XPNPEP1: variants seen among roughly 807,000 people sequenced by gnomAD.
XPNPEP1 encodes xaa-Pro aminopeptidase 1.
Under a neutral mutation model 92.4 loss-of-function variants are expected in XPNPEP1, and 39 were observed. The observed-to-expected ratio is 0.42, with a 90% CI of 0.33 to 0.55. XPNPEP1 has a LOEUF of 0.55. Among genes scored for constraint, XPNPEP1 ranks in the 20% least tolerant of loss-of-function variants. The probability of loss-of-function intolerance (pLI) is 0.08; values close to 1 mark genes in which losing one functional copy is unlikely to be tolerated. For synonymous variants in XPNPEP1, 307 were observed against 299.4 expected, an observed-to-expected ratio of 1.03 and a Z score of -0.26; for missense variants, 654 against 856.1, an observed-to-expected ratio of 0.76 and a Z score of 2.95.
intron 5 of XPNPEP1, 169 bp downstream of exon 5, chr10:109,891,553 A>C: frequency 2.1e-6 from 1 of 483,638 alleles, no homozygotes; most frequent in Non-Finnish European, 3.6e-6. Flanking sequence ...TTGAATGCAC[A>C]TTGGTACGTA....
At chr10:109,865,977 TG>T (rs1214921513) in intron 20 of XPNPEP1, among the ~76,000 whole-genome samples, 2 of 152,120 alleles carry the variant, frequency 1.3e-5, no homozygotes, top group Non-Finnish European at 2.9e-5. Flanking sequence ...CTAGACATGA[TG>T]GCAAAAGCTC....
chr10:109,865,436 C>T, intron 20 of XPNPEP1, 124 bp from the exon 21 acceptor site: 1 of 1,258,342 alleles, frequency 7.9e-7, no homozygotes, highest in Non-Finnish European at 1.1e-6. Context: ...TGTGCAACAC[C>T]CTTTCTCCTT....
At chr10:109,894,348 T>C (rs1179808207) in intron 3 of XPNPEP1, among the ~76,000 whole-genome samples, 4 of 151,752 alleles carry the variant, frequency 2.6e-5, no homozygotes, top group East Asian at 3.9e-4. Context: ...CCTGGGAGCA[T>C]GGTGAAACCT....
Position 109,893,016 on chromosome 10 carries a change from A to G in XPNPEP1, c.306T>C (p.Ser102=). 6.2e-7 allele frequency: 1 copy of G among 1,613,696 alleles called. No individual in the cohort carries two copies. The highest frequency in any genetic ancestry group is 8.5e-7 in the Non-Finnish European group (1 of 1,179,830). The change falls in exon 4 of 21, where the codon TCT becomes TCC. Residue 102 remains serine, a synonymous_variant. Transcript: ENST00000502935. ...AGAGAAAAAGTAGTGACTCACCCGC[A>G]GAGCCATCGAATCCAGAGACAAAAG... is the stretch of plus-strand genomic sequence containing the variant. ...RRAFVSGFDG[S]AGTAIITEEH...
At chr10:109,880,778 G>C (rs925856523) in intron 11 of XPNPEP1, 64 bp downstream of exon 11, 8 of 1,508,158 alleles carry the variant, frequency 5.3e-6, no homozygotes, top group Admixed American at 1.8e-5. Context: ...CCACAGAGGA[G>C]GTGAAGGAGC....
chr10:109,881,633 A>G (rs1848104612), intron 10 of XPNPEP1, among the ~76,000 whole-genome samples: 1 of 152,222 alleles, frequency 6.6e-6, no homozygotes, highest in Admixed American at 6.5e-5. Flanking sequence ...CTAGAGAGCC[A>G]GGCCTGGATT....
At chr10:109,875,152 C>T (rs1847709604) in intron 15 of XPNPEP1, among the ~76,000 whole-genome samples, 2 of 152,136 alleles carry the variant, frequency 1.3e-5, no homozygotes, top group Admixed American at 1.3e-4. Context: ...TTTATTCATT[C>T]AAAATTAATC....
Position 109,880,315 on chromosome 10 carries a change from A to G in XPNPEP1, c.1132-77T>C, listed in dbSNP as rs1184982333. On this transcript the variant is annotated intron_variant, in intron 11 of 20. Transcript: ENST00000502935. Reference sequence around the variant, plus strand: ...CAGATTCAGAGCCTAGCCCTAATGCAATACTGAGAAGGCTGTACCTGCAGG... The same window carrying G: ...CAGATTCAGAGCCTAGCCCTAATGCGATACTGAGAAGGCTGTACCTGCAGG... 1.4e-5 allele frequency: 20 copies of G among 1,459,800 alleles called. No homozygotes were observed. In the East Asian group the frequency reaches 4.3e-4, roughly 31 times the overall value. 90.4% of individuals were successfully genotyped at this position (1,459,800 alleles called of 1,614,324 possible).
intron 3 of XPNPEP1, among the ~76,000 whole-genome samples, chr10:109,898,349 T>G (rs796385070): frequency 2.0e-5 from 3 of 152,342 alleles, no homozygotes; most frequent in African/African-American, 7.2e-5. Flanking sequence ...ATAGCAAACA[T>G]AAGAAACTAT....
intron 3 of XPNPEP1, among the ~76,000 whole-genome samples, chr10:109,902,063 G>C (rs1348269210): frequency 6.6e-6 from 1 of 152,148 alleles, no homozygotes. Flanking sequence ...ATTCTACTTA[G>C]ACAGTGCTAA....
chr10:109,871,244 A>G (rs189603081), intron 17 of XPNPEP1, among the ~76,000 whole-genome samples: 62 of 152,236 alleles, frequency 4.1e-4, no homozygotes, highest in African/African-American at 1.4e-3. Context: ...GACTGCAAGC[A>G]GACAGGCAGG....
rs1200402356 is a variant in XPNPEP1, at chr10:109,888,188, A to G, written c.513T>C (p.Tyr171=). ...GVDPLIIPTD[Y]WKKMAKVLRS... ...TCAGAACTTTGGCCATTTTCTTCCA[A>G]TAATCTGAGGAGACACATTGTGGCC... The change falls in exon 7 of 21, where the codon TAT becomes TAC. Residue 171 remains tyrosine, a synonymous_variant. Coordinates refer to ENST00000502935, the MANE Select transcript of XPNPEP1 (RefSeq NM_020383.4). 1.9e-6 allele frequency: 3 copies of G among 1,611,282 alleles called. No individual in the cohort carries two copies. The highest frequency in any genetic ancestry group is 2.5e-6 in the Non-Finnish European group (3 of 1,179,900).
chr10:109,897,779 A>T (rs1347233839), intron 3 of XPNPEP1, among the ~76,000 whole-genome samples: 1 of 151,800 alleles, frequency 6.6e-6, no homozygotes, highest in African/African-American at 2.4e-5. Context: ...TCAGTCTCCC[A>T]AGTAGCTGGG....
intron 2 of XPNPEP1, among the ~76,000 whole-genome samples, chr10:109,909,660 A>G (rs1192574959): frequency 6.6e-6 from 1 of 152,238 alleles, no homozygotes; most frequent in African/African-American, 2.4e-5. Context: ...CTACATAACA[A>G]AACAACTTCA....
At chr10:109,872,259 CT>C (rs1456005520) in intron 16 of XPNPEP1, among the ~76,000 whole-genome samples, 1 of 152,278 alleles carries the variant, frequency 6.6e-6, no homozygotes, top group Non-Finnish European at 1.5e-5. Flanking sequence ...GATGGAGGCA[CT>C]ACTGTTATCC....
chr10:109,873,498 T>C (rs1847603946), intron 15 of XPNPEP1, 71 bp from the exon 16 acceptor site: 20 of 1,587,204 alleles, frequency 1.3e-5, no homozygotes, highest in East Asian at 6.7e-5. Context: ...CAGGCAAGCA[T>C]GTGGACAAGT....
intron 1 of XPNPEP1, among the ~76,000 whole-genome samples, chr10:109,921,058 T>C (rs10736205): frequency 1 from 151,851 of 152,366 alleles, 75,669 homozygotes; most frequent in Non-Finnish European, 1. Context: ...AGCTGCTCTG[T>C]TCTTGTCGTA....
intron 11 of XPNPEP1, 63 bp downstream of exon 11, chr10:109,880,779 G>T (rs1201523209): frequency 6.6e-7 from 1 of 1,517,778 alleles, no homozygotes; most frequent in African/African-American, 1.4e-5. Flanking sequence ...CACAGAGGAG[G>T]TGAAGGAGCC....
intron 10 of XPNPEP1, among the ~76,000 whole-genome samples, chr10:109,882,231 C>T (rs1002620540): frequency 1.3e-5 from 2 of 152,158 alleles, no homozygotes; most frequent in Non-Finnish European, 2.9e-5. Context: ...ATCTCTCATG[C>T]CACACTCTGG....
Sources: gnomAD v4.1 joint callset for allele counts (sites outside exome capture counted in the v4.1 genomes callset) on GRCh38, gnomAD v4.1.1 for gene constraint, MANE v1.5 for transcripts, NCBI Gene and HGNC (gene_info 2026-07-23, HGNC 2026-07-21) for gene names.